Variants in HS3ST5 observed in about 807,000 individuals in gnomAD.
HS3ST5 encodes heparan sulfate glucosamine 3-O-sulfotransferase 5.
Under a neutral mutation model 25.4 loss-of-function variants are expected in HS3ST5, and 10 were observed. The ratio of observed to expected loss-of-function variants is 0.39; its 90% CI spans 0.24 to 0.67. The LOEUF (loss-of-function observed/expected upper bound fraction) is 0.67, where lower values mean the gene tolerates loss of function less well. HS3ST5 is among the 30% of genes least tolerant of loss of function. The probability of loss-of-function intolerance (pLI) is 0.44; values close to 1 mark genes in which losing one functional copy is unlikely to be tolerated. For missense variants in HS3ST5, 324 were observed against 420.7 expected (o/e 0.77, Z 2.01); for synonymous variants, 170 against 162.4 (o/e 1.05, Z -0.36).
At chr6:114,065,811 C>T (rs1773414762) in intron 3 of HS3ST5, among the ~76,000 whole-genome samples, 1 of 152,182 alleles carries the variant, frequency 6.6e-6, no homozygotes, top group Admixed American at 6.5e-5. Flanking sequence ...TCTCCAGCCT[C>T]ATACAGGGGA....
At chr6:114,078,201 C>G (rs1774248877) in intron 3 of HS3ST5, among the ~76,000 whole-genome samples, 1 of 151,966 alleles carries the variant, frequency 6.6e-6, no homozygotes, top group Non-Finnish European at 1.5e-5. Flanking sequence ...ATACAGTTTT[C>G]TTTTTCTTTT....
intron 3 of HS3ST5, among the ~76,000 whole-genome samples, chr6:114,074,516 GA>G (rs1460390215): frequency 6.6e-6 from 1 of 152,076 alleles, no homozygotes; most frequent in Admixed American, 6.6e-5. Flanking sequence ...TTCTAAAAAA[GA>G]AGGGGGCCTA....
intron 1 of HS3ST5, among the ~76,000 whole-genome samples, chr6:114,229,430 T>C (rs1303238250): frequency 1.5e-4 from 23 of 152,162 alleles, no homozygotes. Context: ...GGAAATGAAA[T>C]GTACAGATAA....
At chr6:114,246,395 T>TA (rs1489912646) in intron 1 of HS3ST5, among the ~76,000 whole-genome samples, 1 of 152,218 alleles carries the variant, frequency 6.6e-6, no homozygotes, top group Non-Finnish European at 1.5e-5. Flanking sequence ...TGATAATAGA[T>TA]ATAGATGTGG....
chr6:114,084,220 G>T, intron 3 of HS3ST5: 1 of 1,103,550 alleles, frequency 9.1e-7, no homozygotes, highest in Non-Finnish European at 1.4e-6. Context: ...AGCAATGGGA[G>T]CTGCAGACCA....
At chr6:114,324,073 G>A (rs785143) in intron 1 of HS3ST5, among the ~76,000 whole-genome samples, 100,509 of 151,966 alleles carry the variant, frequency 0.66, 33,873 homozygotes, top group African/African-American at 0.77. Context: ...GAAGGTGAAG[G>A]TAAATACAAC....
chr6:114,257,285 G>A (rs1772974036), intron 1 of HS3ST5, among the ~76,000 whole-genome samples: 1 of 152,048 alleles, frequency 6.6e-6, no homozygotes, highest in Non-Finnish European at 1.5e-5. Flanking sequence ...AGAAAAATAA[G>A]AAAAATTTTG....
At chr6:114,288,996 C>T (rs1237669899) in intron 1 of HS3ST5, among the ~76,000 whole-genome samples, 1 of 152,030 alleles carries the variant, frequency 6.6e-6, no homozygotes, top group Non-Finnish European at 1.5e-5. Context: ...GGACAGAGAA[C>T]ATTTTCAACA....
intron 3 of HS3ST5, chr6:114,143,505 TG>T (rs1778007107): frequency 6.6e-6 from 1 of 152,182 alleles, no homozygotes; most frequent in African/African-American, 2.4e-5. Context: ...TACTAGCATT[TG>T]GGGTGTGAAA....
intron 1 of HS3ST5, among the ~76,000 whole-genome samples, chr6:114,332,268 C>T (rs1189102852): frequency 1.3e-5 from 2 of 152,144 alleles, no homozygotes; most frequent in Non-Finnish European, 2.9e-5. Context: ...GTTTTCCCTG[C>T]TCCACCAGGC....
intron 1 of HS3ST5, among the ~76,000 whole-genome samples, chr6:114,292,475 C>A (rs942433084): frequency 6.6e-6 from 1 of 152,186 alleles, no homozygotes; most frequent in Non-Finnish European, 1.5e-5. Flanking sequence ...AAAGTCCCCA[C>A]TTCCCAACAC....
intron 1 of HS3ST5, among the ~76,000 whole-genome samples, chr6:114,311,539 C>CTTTTTTTTTTTTTTTTTTTTTTTTTT (rs11463610): frequency 1.2e-5 from 1 of 84,880 alleles, no homozygotes; most frequent in Non-Finnish European, 2.1e-5. Flanking sequence ...TTCTCTCTCT[C>CTTTTTTTTTTTTTTTTTTTTTTTTTT]TTTTTTTTTT....
chr6:114,084,055 G>C, intron 3 of HS3ST5: 1 of 566,816 alleles, frequency 1.8e-6, no homozygotes, highest in Non-Finnish European at 3.1e-6. Flanking sequence ...TTTTTTTATG[G>C]TCTCAGGTTC....
chr6:114,197,133 T>C (rs889606472), intron 2 of HS3ST5, among the ~76,000 whole-genome samples: 15 of 151,606 alleles, frequency 9.9e-5, no homozygotes, highest in East Asian at 3.9e-4. Context: ...TCTTTCTTTT[T>C]TTTTTTTTGT....
intron 3 of HS3ST5, among the ~76,000 whole-genome samples, chr6:114,145,891 T>A (rs185241008): frequency 7.1e-4 from 108 of 152,318 alleles, no homozygotes; most frequent in Non-Finnish European, 1.2e-3. Context: ...TTGTGGTAAG[T>A]GATCTTAATT....
intron 1 of HS3ST5, among the ~76,000 whole-genome samples, chr6:114,243,830 G>A (rs1772255434): frequency 6.6e-6 from 1 of 152,090 alleles, no homozygotes. Flanking sequence ...CTACTGAAGA[G>A]GGTACTGGCT....
At chr6:114,231,031 A>G (rs1044684975) in intron 1 of HS3ST5, among the ~76,000 whole-genome samples, 6 of 152,008 alleles carry the variant, frequency 3.9e-5, no homozygotes, top group Admixed American at 6.6e-5. Context: ...GTAATCCCCA[A>G]TGTTGGAGGT....
chr6:114,058,060 G>T lies in HS3ST5; in HGVS notation c.238C>A (p.Gln80Lys), dbSNP rs762754576. ...EFRKGNASKE[Q>K]VRLHDLVQQL... Reference sequence around the variant, plus strand: ...TGGACCAGGTCATGGAGGCGAACCTGCTCCTTGGAAGCGTTGCCCTTCCGG... The same window carrying T: ...TGGACCAGGTCATGGAGGCGAACCTTCTCCTTGGAAGCGTTGCCCTTCCGG... The change falls in exon 5 of 5, where the codon CAG becomes AAG. Residue 80 changes from glutamine to lysine, a missense_variant. Gln to Lys is a moderately conservative substitution (Grantham distance 53). Coordinates refer to ENST00000312719, the MANE Select transcript of HS3ST5 (RefSeq NM_153612.4). 1 of 1,614,090 alleles carries T rather than the reference G, an allele frequency of 6.2e-7. No homozygotes were observed.
At position 114,062,762 on chromosome 6, in the gene HS3ST5, G is replaced by T. The variant is rs753747446; in HGVS notation, c.84C>A (p.Val28=). Residue 28 remains valine, a synonymous_variant, in exon 4 of 5, where the codon GTC becomes GTA. Transcript: ENST00000312719. The stretch of plus-strand genomic sequence containing the variant: ...ACCTATCCAAGCTCCCAACTCTGGC[G>T]ACTAGATACAGGAGACTCCCAACGG... ...SLAVGSLLYL[V]ARVGSLDRLQ... 1.2e-6 allele frequency: 2 copies of T among 1,613,660 alleles called. No individual in the cohort carries two copies. Among genetic ancestry groups the T allele is most frequent in the South Asian group, 2.2e-5 (2 of 91,032 alleles).
Sources: gnomAD v4.1 joint callset for allele counts (sites outside exome capture counted in the v4.1 genomes callset) on GRCh38, gnomAD v4.1.1 for gene constraint, MANE v1.5 for transcripts, NCBI Gene and HGNC (gene_info 2026-07-23, HGNC 2026-07-21) for gene names.